Variants in DMD observed in about 807,000 individuals in gnomAD.
DMD encodes the protein mutant dystrophin.
In DMD, 63 loss-of-function variants were observed where a neutral mutation model predicts 330.1. The observed-to-expected ratio is 0.19, with a 90% confidence interval of 0.16 to 0.24. The LOEUF (loss-of-function observed/expected upper bound fraction) is 0.24, where lower values mean the gene tolerates loss of function less well. Among genes scored for constraint, DMD ranks in the 10% least tolerant of loss-of-function variants. The pLI is 1.00. For missense variants in DMD, 3,344 were observed against 2,684.1 expected (o/e 1.25, Z -5.43); for synonymous variants, 1,223 against 959.8 (o/e 1.27, Z -5.07).
At chrX:33,156,127 A>T (rs73621882) in intron 1 of DMD, among the ~76,000 whole-genome samples, 9 of 111,753 alleles carry the variant, frequency 8.1e-5, no homozygotes, top group African/African-American at 2.3e-4. Flanking sequence ...GACAACATAA[A>T]GGCCTTACCC....
intron 44 of DMD, among the ~76,000 whole-genome samples, chrX:32,165,564 T>A (rs1046557632): frequency 8.9e-6 from 1 of 112,498 alleles, no homozygotes; most frequent in Non-Finnish European, 1.9e-5. Flanking sequence ...CAGAACAGAC[T>A]TGCCTTGTCT....
chrX:31,232,606 T>C (rs2147197028), intron 63 of DMD, among the ~76,000 whole-genome samples: 1 of 111,472 alleles, frequency 9.0e-6, no homozygotes, highest in South Asian at 3.8e-4. Context: ...AGGCTCCAGG[T>C]TCCTCTGAAG....
At chrX:32,823,779 G>C (rs2148853186) in intron 4 of DMD, among the ~76,000 whole-genome samples, 1 of 111,724 alleles carries the variant, frequency 9.0e-6, no homozygotes, top group African/African-American at 3.2e-5. Flanking sequence ...CTGCATTTTA[G>C]TAAAACGCCT....
At chrX:31,758,816 C>T (rs370869053) in intron 51 of DMD, among the ~76,000 whole-genome samples, 5 of 111,825 alleles carry the variant, frequency 4.5e-5, no homozygotes, top group African/African-American at 1.6e-4. Flanking sequence ...TAAAATACTA[C>T]TATGATTTCA....
chrX:32,396,589 C>T (rs1426453347), intron 30 of DMD, among the ~76,000 whole-genome samples: 3 of 109,555 alleles, frequency 2.7e-5, no homozygotes, highest in African/African-American at 9.8e-5. Flanking sequence ...AATCATACAA[C>T]ACTTTGTAGA....
At chrX:32,922,759 C>A (rs890537411) in intron 2 of DMD, among the ~76,000 whole-genome samples, 5 of 111,482 alleles carry the variant, frequency 4.5e-5, no homozygotes, top group African/African-American at 1.6e-4. Context: ...TTTGGGGACC[C>A]CTGCTTTGGG....
At chrX:31,302,354 A>C (rs2054713946) in intron 62 of DMD, among the ~76,000 whole-genome samples, 1 of 111,604 alleles carries the variant, frequency 9.0e-6, no homozygotes, top group African/African-American at 3.3e-5. Flanking sequence ...TATTTTAAAG[A>C]CTCTTGAGGG....
At chrX:31,134,241 A>C in intron 76 of DMD, 47 bp from the exon 77 acceptor site, 5 of 1,041,493 alleles carry the variant, frequency 4.8e-6, no homozygotes, top group Non-Finnish European at 6.7e-6. Context: ...TTTATAGAAA[A>C]CAGATATTAA....
intron 16 of DMD, among the ~76,000 whole-genome samples, chrX:32,555,105 A>G (rs1241291051): frequency 9.1e-6 from 1 of 110,286 alleles, no homozygotes; most frequent in Non-Finnish European, 1.9e-5. Context: ...TATCCACCAC[A>G]ATCAAGTTTG....
chrX:32,022,635 A>G (rs1195577497), intron 44 of DMD, among the ~76,000 whole-genome samples: 2 of 112,067 alleles, frequency 1.8e-5, no homozygotes, highest in Non-Finnish European at 3.8e-5. Flanking sequence ...ATACACACAT[A>G]CATATATCTT....
intron 7 of DMD, among the ~76,000 whole-genome samples, chrX:32,766,552 C>T (rs774661935): frequency 1.8e-5 from 2 of 111,195 alleles, no homozygotes; most frequent in South Asian, 7.5e-4. Flanking sequence ...ATTTTATTTA[C>T]TGCAATTGTG....
At chrX:32,615,016 T>C (rs2057452590) in intron 11 of DMD, among the ~76,000 whole-genome samples, 2 of 111,157 alleles carry the variant, frequency 1.8e-5, no homozygotes, top group African/African-American at 3.3e-5. Flanking sequence ...CAGGCTACAC[T>C]ACCGAATCAT....
chrX:32,045,665 A>ATGT (rs975917350), intron 44 of DMD, among the ~76,000 whole-genome samples: 10 of 111,574 alleles, frequency 9.0e-5, no homozygotes, highest in African/African-American at 3.3e-4. Context: ...TCTTTGTTTG[A>ATGT]TGTTAAGAAA....
At chrX:32,684,237 A>C (rs1037934160) in intron 9 of DMD, among the ~76,000 whole-genome samples, 6 of 111,338 alleles carry the variant, frequency 5.4e-5, no homozygotes, top group Admixed American at 9.6e-5. Flanking sequence ...ACCCACACAC[A>C]CACATATATA....
intron 30 of DMD, among the ~76,000 whole-genome samples, chrX:32,392,333 A>T (rs886509970): frequency 8.1e-5 from 9 of 111,700 alleles, no homozygotes; most frequent in African/African-American, 2.9e-4. Context: ...ATCTTGGCTC[A>T]CTGCAACCTC....
intron 55 of DMD, among the ~76,000 whole-genome samples, chrX:31,510,490 T>C (rs1038034152): frequency 3.7e-5 from 4 of 107,753 alleles, no homozygotes; most frequent in African/African-American, 1.4e-4. Context: ...GAATGAAAAA[T>C]TGAATTCTGA....
chrX:33,305,529 G>A (rs1429079775), intron 1 of DMD, among the ~76,000 whole-genome samples: 2 of 102,238 alleles, frequency 2.0e-5, no homozygotes, highest in Non-Finnish European at 2.0e-5. Flanking sequence ...TAACTAACCT[G>A]CACATTGTGC....
intron 7 of DMD, among the ~76,000 whole-genome samples, chrX:32,800,595 A>G (rs2076485120): frequency 9.0e-6 from 1 of 111,401 alleles, no homozygotes; most frequent in South Asian, 3.8e-4. Context: ...TTTGGGATAC[A>G]TGTGCAGAAC....
rs770347305 is a variant in DMD, at chrX:32,380,590, C to T, written c.4765G>A (p.Ala1589Thr). The change falls in exon 34 of 79, where the codon GCT (alanine) becomes ACT (threonine). Residue 1589 changes from alanine to threonine, a missense_variant. Coordinates refer to ENST00000357033, the MANE Select transcript of DMD (RefSeq NM_004006.3). ...EMNVLTEWLA[A>T]TDMELTKRSA... is the part of the protein sequence containing the mutation. ...CTCTTTGTCAATTCCATATCTGTAG[C>T]TGCCAGCCATTCTGTCAAGACATTC... The T allele has an allele frequency of 2.5e-6, 3 of 1,209,969 alleles. No individual in the cohort carries two copies. Among genetic ancestry groups the T allele is most frequent in the Admixed American group, 2.2e-5 (1 of 45,942 alleles).
Sources: gnomAD v4.1 joint callset for allele counts (sites outside exome capture counted in the v4.1 genomes callset) on GRCh38, gnomAD v4.1.1 for gene constraint, MANE v1.5 for transcripts, NCBI Gene and HGNC (gene_info 2026-07-23, HGNC 2026-07-21) for gene names.